OR2J3: variants seen among roughly 807,000 people sequenced by gnomAD.
OR2J3 encodes olfactory receptor 2J3.
A neutral mutation model predicts 18.5 loss-of-function variants in OR2J3; 13 were observed. That is an observed-to-expected ratio of 0.70 (90% confidence interval 0.46 to 1.12). OR2J3 has a LOEUF of 1.12. Ranked by LOEUF, OR2J3 falls within the 50% of genes most tolerant of loss-of-function variation. The probability of loss-of-function intolerance (pLI) is 0.00; values close to 1 mark genes in which losing one functional copy is unlikely to be tolerated. For synonymous variants in OR2J3, 142 were observed against 140.6 expected (o/e 1.01, Z -0.07); for missense variants, 321 against 371.6 (o/e 0.86, Z 1.12).
chr6:29,110,894 T>TCTATCTAC (rs1762104237), intron 3 of OR2J3, among the ~76,000 whole-genome samples: 2 of 140,828 alleles, frequency 1.4e-5, no homozygotes, highest in East Asian at 2.1e-4. Context: ...TATCTATCTA[T>TCTATCTAC]CTACCTATCT....
At chr6:29,109,951 T>C (rs553567364) in intron 3 of OR2J3, among the ~76,000 whole-genome samples, 1 of 152,302 alleles carries the variant, frequency 6.6e-6, no homozygotes, top group South Asian at 2.1e-4. Flanking sequence ...ATTATTGTCC[T>C]GGAGAAAAAT....
chr6:29,112,048 A>G lies in OR2J3; in HGVS notation c.158A>G (p.Tyr53Cys), dbSNP rs750293696. The G allele has an allele frequency of 1.2e-5, 20 of 1,613,950 alleles. No homozygotes were observed. The highest frequency in any genetic ancestry group is 6.7e-5 in the Admixed American group (4 of 59,976). ...IGNLFIIILSYLDSHLHTPMY... is the reference protein window; with the variant it reads ...IGNLFIIILSCLDSHLHTPMY... Reference sequence around the variant, plus strand: ...AACCTGTTCATCATCATCCTGTCATACCTGGACTCCCATCTGCACACACCA... The same window carrying G: ...AACCTGTTCATCATCATCCTGTCATGCCTGGACTCCCATCTGCACACACCA... The change falls in exon 4 of 4, where the codon TAC becomes TGC. Residue 53 changes from tyrosine to cysteine, a missense_variant. By Grantham distance (194) the Tyr-to-Cys change is radical (BLOSUM62 -2). Coordinates refer to ENST00000641151, the MANE Select transcript of OR2J3 (RefSeq NM_001005216.4).
At position 29,112,125 on chromosome 6, in the gene OR2J3, A is replaced by T; in HGVS notation, c.235A>T (p.Ser79Cys). The stretch of plus-strand genomic sequence containing the variant: ...ATTTCTGGATCTCTGCTACACCACC[A>T]GCTCTATCCCTCAGTTGCTGGTCAA... ...LSFLDLCYTT[S>C]SIPQLLVNLW... is the part of the protein sequence containing the mutation. Residue 79 changes from serine to cysteine, a missense_variant, in exon 4 of 4, where the codon AGC (serine) becomes TGC (cysteine). Transcript: ENST00000641151. The T allele has an allele frequency of 6.2e-7, 1 of 1,614,072 alleles. No individual in the cohort carries two copies.
rs555483773 is a variant in OR2J3, at chr6:29,108,872, T to A, written c.-14T>A. The A allele has an allele frequency of 6.6e-6, 1 of 152,336 alleles. No homozygotes were observed. Among genetic ancestry groups the A allele is most frequent in the South Asian group, 2.1e-4 (1 of 4,826 alleles). The allele number at this position is 152,336 out of a possible 1,614,324, so 9.4% of individuals were successfully genotyped here. A position where few individuals can be genotyped will look rare whatever the true frequency, so the allele number is the denominator to read the frequency against. ...AATTCCTACCTTTTCCTTGCTTGCA[T>A]CTGGTAAGTTTTTGTTTGTTTGCTT... is the stretch of plus-strand genomic sequence containing the variant. On this transcript the variant is annotated 5_prime_UTR_variant, in exon 3 of 4. Transcript: ENST00000641151.
At position 29,112,243 on chromosome 6, in the gene OR2J3, T is replaced by G. The variant is rs1211210466; in HGVS notation, c.353T>G (p.Leu118Arg). 1.2e-6 allele frequency: 2 copies of G among 1,614,050 alleles called. No homozygotes were observed. The highest frequency in any genetic ancestry group is 1.7e-6 in the Non-Finnish European group (2 of 1,180,034). ...LALGTTECVL[L>R]VVMSYDRYAA... ...CTGGGAACCACAGAGTGTGTCCTAC[T>G]GGTGGTGATGTCCTATGACCGTTAT... Residue 118 changes from leucine (L) to arginine (R), a missense_variant, in exon 4 of 4, where the codon CTG becomes CGG. Coordinates refer to ENST00000641151, the MANE Select transcript of OR2J3 (RefSeq NM_001005216.4).
chr6:29,112,983 G>A lies in OR2J3; in HGVS notation c.*157G>A, dbSNP rs746407549. On this transcript the variant is annotated 3_prime_UTR_variant, in exon 4 of 4. Transcript: ENST00000641151. ...TCGTGGAGTTCCTGGTAACAGGTAG[G>A]AATAAAACACAGTCAGCCTAAATAC... The A allele has an allele frequency of 4.8e-6, 4 of 828,522 alleles. No individual in the cohort carries two copies. Among genetic ancestry groups the A allele is most frequent in the Non-Finnish European group, 7.3e-6 (4 of 548,334 alleles). The allele number at this position is 828,522 out of a possible 1,614,324, so 51.3% of individuals were successfully genotyped here. A position where few individuals can be genotyped will look rare whatever the true frequency, so the allele number is the denominator to read the frequency against.
At chr6:29,111,801 T>G in intron 3 of OR2J3, 80 bp from the exon 4 acceptor site, 1 of 1,380,022 alleles carries the variant, frequency 7.2e-7, no homozygotes, top group East Asian at 2.3e-5. Flanking sequence ...CTGGCTTTTA[T>G]TTTTTATTCA....
At chr6:29,110,855 TTATCTATCTATCTATCTATC>T (rs9280546) in intron 3 of OR2J3, among the ~76,000 whole-genome samples, 5 of 149,260 alleles carry the variant, frequency 3.3e-5, no homozygotes, top group South Asian at 4.3e-4. Context: ...ATCTATCTAT[TTATCTATCTATCTATCTATC>T]TATCTATCTA....
At chr6:29,110,855 T>TATCTATC (rs1762098194) in intron 3 of OR2J3, among the ~76,000 whole-genome samples, 1 of 149,144 alleles carries the variant, frequency 6.7e-6, no homozygotes, top group Non-Finnish European at 1.5e-5. Flanking sequence ...ATCTATCTAT[T>TATCTATC]TATCTATCTA....
rs753548920 is a variant in OR2J3 at position 29,114,168 on chromosome 6, G to A, written c.*1342G>A. ...ATTCTGCTGACTTTATCTTCCTTCT[G>A]CATCTCTGACTCTTCCTTTATTTCT... On this transcript the variant is annotated 3_prime_UTR_variant, in exon 4 of 4. Coordinates refer to ENST00000641151, the MANE Select transcript of OR2J3 (RefSeq NM_001005216.4). The A allele has an allele frequency of 1.3e-5, 2 of 152,110 alleles. No individual in the cohort carries two copies. Among genetic ancestry groups the A allele is most frequent in the Non-Finnish European group, 2.9e-5 (2 of 68,016 alleles). The allele number at this position is 152,110 out of a possible 1,614,324, so 9.4% of individuals were successfully genotyped here.
At chr6:29,110,898 C>T (rs202237825) in intron 3 of OR2J3, among the ~76,000 whole-genome samples, 1 of 125,804 alleles carries the variant, frequency 7.9e-6, no homozygotes, top group South Asian at 2.6e-4. Flanking sequence ...TATCTATCTA[C>T]CTATCTATCT....
Position 29,113,772 on chromosome 6 carries a change from T to C in OR2J3, c.*946T>C, listed in dbSNP as rs1762237598. On this transcript the variant is annotated 3_prime_UTR_variant, in exon 4 of 4. Coordinates refer to ENST00000641151, the MANE Select transcript of OR2J3 (RefSeq NM_001005216.4). ...AAGCTTGATCTAATTTGAGTATTTA[T>C]GGTTAATAAGTATATTATGTATGTC... The C allele has an allele frequency of 6.6e-6, 1 of 152,220 alleles. No individual in the cohort carries two copies. The highest frequency in any genetic ancestry group is 2.1e-4 in the South Asian group (1 of 4,838). 9.4% of individuals were successfully genotyped at this position (152,220 alleles called of 1,614,324 possible).
rs563698198 is a variant in OR2J3, at chr6:29,108,526, A to G, written c.-180-11A>G. ...TTTTTTTGATAATTTCTTTCTTTTT[A>G]TTTTTTGTAGAGACATGGTCTCACT... On this transcript the variant is annotated splice_polypyrimidine_tract_variant and intron_variant, in intron 1 of 3. Transcript: ENST00000641151. 3 of 151,970 alleles carry G rather than the reference A, an allele frequency of 2.0e-5. No individual in the cohort carries two copies. Among genetic ancestry groups the G allele is most frequent in the African/African-American group, 7.2e-5 (3 of 41,452 alleles). 9.4% of individuals were successfully genotyped at this position (151,970 alleles called of 1,614,324 possible).
chr6:29,112,641 G>C lies in OR2J3; in HGVS notation c.751G>C (p.Val251Leu), dbSNP rs368523003. The change falls in exon 4 of 4, where the codon GTA becomes CTA. Residue 251 changes from valine (V) to leucine (L), a missense_variant. Physicochemically the swap from Val to Leu is conservative, Grantham distance 32. Coordinates refer to ENST00000641151, the MANE Select transcript of OR2J3 (RefSeq NM_001005216.4). Reference protein sequence around the residue: ...FGTCGAHLMAVSLFFIPAMCM... With the variant: ...FGTCGAHLMALSLFFIPAMCM... ...AACATGTGGAGCTCATCTTATGGCT[G>C]TATCTCTCTTTTTCATTCCGGCCAT... The C allele has an allele frequency of 7.8e-5, 126 of 1,613,946 alleles. No individual in the cohort carries two copies. In the African/African-American group the frequency reaches 1.5e-3, roughly 20 times the overall value.
In OR2J3 at chr6:29,112,134, C is replaced by A. The variant is rs1345297963; in HGVS notation, c.244C>A (p.Pro82Thr). ...LDLCYTTSSIPQLLVNLWGPE... is the reference protein window; with the variant it reads ...LDLCYTTSSITQLLVNLWGPE... The stretch of plus-strand genomic sequence containing the variant: ...TCTCTGCTACACCACCAGCTCTATC[C>A]CTCAGTTGCTGGTCAATCTCTGGGG... The change falls in exon 4 of 4, where the codon CCT becomes ACT. Residue 82 changes from proline to threonine, a missense_variant. Pro to Thr is a conservative substitution (Grantham distance 38). Transcript: ENST00000641151. 6.2e-7 allele frequency: 1 copy of A among 1,614,120 alleles called. No individual in the cohort carries two copies. Among genetic ancestry groups the A allele is most frequent in the Non-Finnish European group, 8.5e-7 (1 of 1,180,034 alleles).
rs1230380343 is a variant in OR2J3, at chr6:29,113,595, C to G, written c.*769C>G. Reference sequence around the variant, plus strand: ...TAAGTGCTTGGAGCAACTGCATTACCTAAGGAACTAAGGAAAACATTTGAG... The same window carrying G: ...TAAGTGCTTGGAGCAACTGCATTACGTAAGGAACTAAGGAAAACATTTGAG... On this transcript the variant is annotated 3_prime_UTR_variant, in exon 4 of 4. Coordinates refer to ENST00000641151, the MANE Select transcript of OR2J3 (RefSeq NM_001005216.4). 1 of 152,030 alleles carries G rather than the reference C, an allele frequency of 6.6e-6. No homozygotes were observed. Among genetic ancestry groups the G allele is most frequent in the Admixed American group, 6.6e-5 (1 of 15,244 alleles). The allele number at this position is 152,030 out of a possible 1,614,324, so 9.4% of individuals were successfully genotyped here. A position where few individuals can be genotyped will look rare whatever the true frequency, so the allele number is the denominator to read the frequency against.
intron 3 of OR2J3, 158 bp from the exon 4 acceptor site, chr6:29,111,722 TC>T (rs1762131091): frequency 1.6e-6 from 1 of 620,068 alleles, no homozygotes; most frequent in Admixed American, 3.3e-5. Context: ...TTATAATTCT[TC>T]TTTTGTTAAA....
chr6:29,112,775 C>T lies in OR2J3; in HGVS notation c.885C>T (p.Leu295=), dbSNP rs201256037. 6.2e-5 allele frequency: 100 copies of T among 1,613,778 alleles called. No homozygotes were observed. The Admixed American group carries it at 1.6e-3, about 26-fold the overall frequency. Residue 295 remains leucine (L), a synonymous_variant, in exon 4 of 4, where the codon CTC becomes CTT. Coordinates refer to ENST00000641151, the MANE Select transcript of OR2J3 (RefSeq NM_001005216.4). ...TPSLNPLIYT[L]RNKVVRGAVK... is the part of the protein sequence containing the mutation. ...GTCTTAACCCTCTAATCTACACCCT[C>T]AGAAACAAAGTTGTAAGAGGGGCAG... is the stretch of plus-strand genomic sequence containing the variant.
In OR2J3 at chr6:29,112,311, C is replaced by G; in HGVS notation, c.421C>G (p.Pro141Ala). The G allele has an allele frequency of 1.2e-6, 2 of 1,613,640 alleles. No homozygotes were observed. The highest frequency in any genetic ancestry group is 1.7e-6 in the Non-Finnish European group (2 of 1,179,682). ...RPLHYTVLMH[P>A]RFCHLLAVAS... is the part of the protein sequence containing the mutation. ...TTTGCATTACACTGTCCTCATGCAC[C>G]CTCGTTTCTGCCACCTGCTGGCTGT... Residue 141 changes from proline (P) to alanine (A), a missense_variant, in exon 4 of 4, where the codon CCT becomes GCT. Coordinates refer to ENST00000641151, the MANE Select transcript of OR2J3 (RefSeq NM_001005216.4).
Sources: allele counts gnomAD v4.1 joint callset (sites outside exome capture counted in the v4.1 genomes callset), GRCh38; gene constraint gnomAD v4.1.1; transcripts MANE v1.5; gene names NCBI Gene and HGNC (gene_info 2026-07-23, HGNC 2026-07-21).